Variants in THOC5 observed in about 807,000 individuals in gnomAD.
The protein encoded by THOC5 is Fms-interacting protein.
Under a neutral mutation model 92.9 loss-of-function variants are expected in THOC5, and 43 were observed. The observed-to-expected ratio is 0.46, with a 90% CI of 0.36 to 0.60. THOC5 has a LOEUF of 0.60. Among genes scored for constraint, THOC5 ranks in the 20% least tolerant of loss-of-function variants. The pLI is 0.00. For missense variants in THOC5, 659 were observed against 849.4 expected, an observed-to-expected ratio of 0.78 and a Z score of 2.79; for synonymous variants, 296 against 320.1, an observed-to-expected ratio of 0.92 and a Z score of 0.80.
intron 1 of THOC5, among the ~76,000 whole-genome samples, chr22:29,551,421 C>T (rs541161103): frequency 1.3e-5 from 2 of 152,074 alleles, no homozygotes; most frequent in East Asian, 1.9e-4. Context: ...GGCAACAGAG[C>T]GAGATTCAGT....
intron 6 of THOC5, among the ~76,000 whole-genome samples, chr22:29,539,120 A>C (rs1465183896): frequency 6.6e-6 from 1 of 151,618 alleles, no homozygotes; most frequent in Admixed American, 6.6e-5. Flanking sequence ...AAAAAAAAAA[A>C]AAAAAAAAAA....
At chr22:29,518,548 T>C (rs375448408) in intron 15 of THOC5, among the ~76,000 whole-genome samples, 2 of 152,296 alleles carry the variant, frequency 1.3e-5, no homozygotes, top group African/African-American at 4.8e-5. Context: ...GGAAGGGATA[T>C]GCGAGTTGCT....
At chr22:29,548,912 A>G (rs1463536558) in intron 2 of THOC5, 140 bp downstream of exon 2, 8 of 680,176 alleles carry the variant, frequency 1.2e-5, no homozygotes, top group Non-Finnish European at 1.7e-5. Context: ...AGAAACAGGA[A>G]TCCCAGTCAC....
chr22:29,519,478 C>T (rs899824928), intron 14 of THOC5, among the ~76,000 whole-genome samples: 14 of 152,332 alleles, frequency 9.2e-5, no homozygotes, highest in African/African-American at 3.1e-4. Context: ...CTCAAGTTGC[C>T]TGGGTCTAAA....
At chr22:29,516,789 C>A (rs1368202166) in intron 17 of THOC5, among the ~76,000 whole-genome samples, 1 of 152,184 alleles carries the variant, frequency 6.6e-6, no homozygotes, top group Non-Finnish European at 1.5e-5. Context: ...CCTGAATTTC[C>A]TCCCATGTAA....
chr22:29,513,182 C>G (rs191447460), intron 17 of THOC5, among the ~76,000 whole-genome samples: 2 of 151,410 alleles, frequency 1.3e-5, no homozygotes, highest in Non-Finnish European at 2.9e-5. Context: ...AACCCCGTCT[C>G]TACTAAAAAT....
At chr22:29,519,566 T>G (rs972321984) in intron 14 of THOC5, among the ~76,000 whole-genome samples, 2 of 151,706 alleles carry the variant, frequency 1.3e-5, no homozygotes, top group African/African-American at 2.4e-5. Flanking sequence ...CCTGAGTGGA[T>G]AGAAGACAGG....
chr22:29,538,773 A>G (rs573477542), intron 6 of THOC5, among the ~76,000 whole-genome samples: 31 of 133,416 alleles, frequency 2.3e-4, no homozygotes, highest in Non-Finnish European at 4.4e-4. Context: ...CTCCATCCTG[A>G]GCAATAGAGT....
intron 1 of THOC5, 66 bp from the exon 2 acceptor site, chr22:29,549,224 C>T (rs1420394129): frequency 7.0e-7 from 1 of 1,429,372 alleles, no homozygotes; most frequent in Non-Finnish European, 9.8e-7. Flanking sequence ...ACTAGCAGTT[C>T]TGGCCACTTA....
rs1048722662 is a variant in THOC5 at position 29,510,993 on chromosome 22, G to A, written c.1988+113C>T. 1.5e-5 allele frequency: 17 copies of A among 1,146,998 alleles called. No homozygotes were observed. The East Asian group carries it at 1.7e-4, about 11-fold the overall frequency. The allele number at this position is 1,146,998 out of a possible 1,614,324, so 71.1% of individuals were successfully genotyped here. ...CAGGTGGACCAGAGTGATAGGCATCGGCTGCAGGGGAAGTTTCAGGAAGGA... is the reference window on the plus strand; with the variant it reads ...CAGGTGGACCAGAGTGATAGGCATCAGCTGCAGGGGAAGTTTCAGGAAGGA... On this transcript the variant is annotated intron_variant, in intron 19 of 19. Transcript: ENST00000490103.
chr22:29,508,338 G>T lies in THOC5; in HGVS notation c.*119C>A. ...AGACAAAGGCCACTGGTCAGGTGAC[G>T]CTTTTTAATTGGCTGGTGTCTTTGG... On this transcript the variant is annotated 3_prime_UTR_variant, in exon 20 of 20. Transcript: ENST00000490103. 9.1e-7 allele frequency: 1 copy of T among 1,098,560 alleles called. No individual in the cohort carries two copies. Among genetic ancestry groups the T allele is most frequent in the Non-Finnish European group, 1.3e-6 (1 of 748,804 alleles). The allele number at this position is 1,098,560 out of a possible 1,614,324, so 68.1% of individuals were successfully genotyped here. A position where few individuals can be genotyped will look rare whatever the true frequency, so the allele number is the denominator to read the frequency against.
intron 12 of THOC5, among the ~76,000 whole-genome samples, chr22:29,523,763 T>TC (rs1481340014): frequency 6.6e-6 from 1 of 152,000 alleles, no homozygotes; most frequent in African/African-American, 2.4e-5. Context: ...CACAAAACTA[T>TC]TAAAAAAAAT....
At chr22:29,525,442 G>A (rs1391199828) in intron 12 of THOC5, among the ~76,000 whole-genome samples, 1 of 151,992 alleles carries the variant, frequency 6.6e-6, no homozygotes, top group African/African-American at 2.4e-5. Context: ...CTGAGCTGGG[G>A]AGCAAAAATC....
In THOC5 at chr22:29,511,132, C is replaced by T. The variant is rs779497678; in HGVS notation, c.1962G>A (p.Gln654=). 8.1e-6 allele frequency: 13 copies of T among 1,614,186 alleles called. No homozygotes were observed. The highest frequency in any genetic ancestry group is 1.1e-5 in the Non-Finnish European group (13 of 1,180,022). The change falls in exon 19 of 20, where the codon CAG becomes CAA. Residue 654 remains glutamine, a synonymous_variant. Coordinates refer to ENST00000490103, the MANE Select transcript of THOC5 (RefSeq NM_003678.5). ...DSVEGPKEFP[Q]EKMCLRLFRG... Reference sequence around the variant, plus strand: ...TGAAGAGCCGCAGACACATCTTCTCCTGGGGAAATTCCTTGGGCCCCTCCA... The same window carrying T: ...TGAAGAGCCGCAGACACATCTTCTCTTGGGGAAATTCCTTGGGCCCCTCCA...
intron 19 of THOC5, among the ~76,000 whole-genome samples, chr22:29,509,262 T>G: frequency 1.5e-5 from 2 of 134,020 alleles, no homozygotes; most frequent in Non-Finnish European, 1.6e-5. Context: ...GGCGACAGAG[T>G]GAGACTCTGT....
intron 15 of THOC5, 151 bp downstream of exon 15, chr22:29,518,855 C>T: frequency 1.5e-6 from 1 of 657,820 alleles, no homozygotes. Flanking sequence ...GAGCTCTCCC[C>T]AGTGGCTCTG....
In THOC5 at chr22:29,535,899, T is replaced by G. The variant is rs544389458; in HGVS notation, c.714+725A>C. Reference sequence around the variant, plus strand: ...GATATTGCCCAGGCTGGTCTCAAACTCCTGGGCTCAAGTGATCCTCCCCCC... The same window carrying G: ...GATATTGCCCAGGCTGGTCTCAAACGCCTGGGCTCAAGTGATCCTCCCCCC... On this transcript the variant is annotated intron_variant, in intron 7 of 19. Coordinates refer to ENST00000490103, the MANE Select transcript of THOC5 (RefSeq NM_003678.5). 6.6e-5 allele frequency: 10 copies of G among 152,182 alleles called. No homozygotes were observed. The South Asian group carries it at 2.1e-3, about 32-fold the overall frequency. 9.4% of individuals were successfully genotyped at this position (152,182 alleles called of 1,614,324 possible).
At chr22:29,532,090 G>A (rs1211930309) in intron 7 of THOC5, 127 bp from the exon 8 acceptor site, 3 of 1,127,152 alleles carry the variant, frequency 2.7e-6, no homozygotes, top group Non-Finnish European at 3.7e-6. Context: ...GAACTAATAG[G>A]TGGATAAAAG....
intron 1 of THOC5, among the ~76,000 whole-genome samples, chr22:29,551,128 A>C (rs2146577397): frequency 6.6e-6 from 1 of 152,290 alleles, no homozygotes; most frequent in African/African-American, 2.4e-5. Flanking sequence ...CTCTCAAAGT[A>C]AATTTGAGTT....
Sources: gnomAD v4.1 joint callset for allele counts (sites outside exome capture counted in the v4.1 genomes callset) on GRCh38, gnomAD v4.1.1 for gene constraint, MANE v1.5 for transcripts, NCBI Gene and HGNC (gene_info 2026-07-23, HGNC 2026-07-21) for gene names.